SOX13: variants seen among roughly 807,000 people sequenced by gnomAD.
SOX13 encodes SRY-box transcription factor 13, also known as transcription factor SOX-13.
SOX13 carries 28 observed loss-of-function variants against 71.8 expected under a neutral mutation model. The ratio of observed to expected loss-of-function variants is 0.39; its 90% CI spans 0.29 to 0.53. The LOEUF is 0.53. SOX13 is among the 20% of genes least tolerant of loss of function. SOX13 has a pLI of 0.70. For missense variants in SOX13, 627 were observed against 810.3 expected (o/e 0.77, Z 2.75); for synonymous variants, 309 against 317.8 (o/e 0.97, Z 0.29).
intron 3 of SOX13, 22 bp from the exon 4 acceptor site, chr1:204,114,497 T>C: frequency 1.2e-6 from 2 of 1,610,700 alleles, no homozygotes; most frequent in Non-Finnish European, 1.7e-6. Flanking sequence ...CGGTTATTCC[T>C]CACCCCTTTG....
At chr1:204,115,492 T>TTTTTA (rs1491309003) in intron 4 of SOX13, among the ~76,000 whole-genome samples, 1 of 49,928 alleles carries the variant, frequency 2.0e-5, no homozygotes, top group African/African-American at 7.2e-5. Flanking sequence ...TTTTTTTTTT[T>TTTTTA]AAAAAAAAAA....
chr1:204,112,530 T>TACACACAC (rs1656601911), intron 1 of SOX13, among the ~76,000 whole-genome samples: 1 of 64,240 alleles, frequency 1.6e-5, no homozygotes, highest in Non-Finnish European at 4.0e-5. Context: ...CACACACACT[T>TACACACAC]TCTCTCTCTC....
intron 1 of SOX13, among the ~76,000 whole-genome samples, chr1:204,075,630 CATT>C (rs1655772083): frequency 2.0e-5 from 3 of 152,252 alleles, no homozygotes; most frequent in South Asian, 4.1e-4. Context: ...ACCTCTGGAT[CATT>C]AAGGGCCAAA....
chr1:204,116,138 C>T, intron 4 of SOX13: 2 of 1,218,718 alleles, frequency 1.6e-6, no homozygotes, highest in Admixed American at 6.7e-5. Flanking sequence ...GCTTCAAAGC[C>T]TGAGTGTGTC....
chr1:204,110,204 G>A (rs763956487), intron 1 of SOX13, among the ~76,000 whole-genome samples: 6 of 150,950 alleles, frequency 4.0e-5, no homozygotes, highest in Non-Finnish European at 8.9e-5. Flanking sequence ...CTTAATCTTG[G>A]CAGCTTCAAA....
intron 12 of SOX13, among the ~76,000 whole-genome samples, chr1:204,124,083 C>G (rs551254016): frequency 6.6e-6 from 1 of 152,332 alleles, no homozygotes; most frequent in South Asian, 2.1e-4. Flanking sequence ...ACCTGTTCCA[C>G]TGTTTGTCCA....
At position 204,123,254 on chromosome 1, in the gene SOX13, G is replaced by A. The variant is rs1251200808; in HGVS notation, c.1231+46G>A. On this transcript the variant is annotated intron_variant, in intron 11 of 13. Transcript: ENST00000367204. The surrounding 1 kb of genome is among the most constrained non-coding windows in gnomAD (Gnocchi z 5.0). ...CTGATGCGCAGGAGGGCCCAACTCT[G>A]TATTCCACCAGGGCCAGGGCTGTGT... The A allele has an allele frequency of 1.4e-6, 2 of 1,467,578 alleles. No individual in the cohort carries two copies. Among genetic ancestry groups the A allele is most frequent in the South Asian group, 1.1e-5 (1 of 88,196 alleles). 90.9% of individuals were successfully genotyped at this position (1,467,578 alleles called of 1,614,324 possible).
At position 204,123,591 on chromosome 1, in the gene SOX13, C is replaced by T; in HGVS notation, c.1232-70C>T. The T allele has an allele frequency of 1.3e-6, 2 of 1,538,904 alleles. No individual in the cohort carries two copies. The highest frequency in any genetic ancestry group is 1.2e-5 in the South Asian group (1 of 85,394). On this transcript the variant is annotated intron_variant, in intron 11 of 13. Coordinates refer to ENST00000367204, the MANE Select transcript of SOX13 (RefSeq NM_005686.3). The surrounding 1 kb of genome is among the most constrained non-coding windows in gnomAD (Gnocchi z 5.0). ...CCTGCTGGTCAAGTAGGGGACGTCT[C>T]TCTGCTGGCCCTGGGGCACTCTCCT...
chr1:204,122,512 T>C lies in SOX13; in HGVS notation c.1024+113T>C, dbSNP rs56008905. ...TCCCTGGGTTCCAGATTTTATCAAA[T>C]GAGGGGTTAGACTTGCTCTTAGCAG... On this transcript the variant is annotated intron_variant, in intron 9 of 13. Transcript: ENST00000367204. 8,650 of 833,378 alleles carry C rather than the reference T, an allele frequency of 0.01. 390 individuals are homozygous for C. In the African/African-American group the frequency reaches 0.11, roughly 11 times the overall value. 51.6% of individuals were successfully genotyped at this position (833,378 alleles called of 1,614,324 possible).
intron 1 of SOX13, among the ~76,000 whole-genome samples, chr1:204,087,976 T>C (rs1656059410): frequency 6.6e-6 from 1 of 152,348 alleles, no homozygotes; most frequent in Non-Finnish European, 1.5e-5. Flanking sequence ...GCGGTATGTC[T>C]GACTCTGTTC....
Position 204,126,429 on chromosome 1 carries a change from G to A in SOX13, c.*295G>A. On this transcript the variant is annotated 3_prime_UTR_variant, in exon 14 of 14. Transcript: ENST00000367204. ...ACTGTATGACTCTCCTCTCCTGCAG[G>A]TGTCTATCCACCTGGGGTATGGCAT... The A allele has an allele frequency of 2.3e-6, 1 of 428,670 alleles. No individual in the cohort carries two copies. Among genetic ancestry groups the A allele is most frequent in the Non-Finnish European group, 4.2e-6 (1 of 235,726 alleles). 26.6% of individuals were successfully genotyped at this position (428,670 alleles called of 1,614,324 possible).
At position 204,113,055 on chromosome 1, in the gene SOX13, A is replaced by G; in HGVS notation, c.140A>G (p.Gln47Arg). The change falls in exon 2 of 14, where the codon CAG becomes CGG. Residue 47 changes from glutamine (Q) to arginine (R), a missense_variant. By Grantham distance (43) the Gln-to-Arg change is conservative. This residue lies in a region of SOX13 where 447 missense variants were observed against 532.2 expected (regional missense o/e 0.84). Transcript: ENST00000367204. ...PQGSATAAEP[Q>R]PGDPARASQD... ...GGCTCAGCCACTGCCGCTGAACCTC[A>G]GCCTGGAGACCCAGCCCGGGCCTCC... 8.1e-6 allele frequency: 13 copies of G among 1,609,358 alleles called. No homozygotes were observed. The highest frequency in any genetic ancestry group is 1.0e-5 in the Non-Finnish European group (12 of 1,178,242).
chr1:204,095,352 T>A (rs925120829), intron 1 of SOX13, among the ~76,000 whole-genome samples: 2 of 152,170 alleles, frequency 1.3e-5, no homozygotes, highest in Non-Finnish European at 2.9e-5. Flanking sequence ...AAATACACCT[T>A]GTCTCTGGGT....
Position 204,081,060 on chromosome 1 carries a change from C to T in SOX13, c.-2+7349C>T, listed in dbSNP as rs759500530. Among the ~76,000 whole-genome samples the T allele has an allele frequency of 1.4e-4, 22 of 151,854 alleles. No individual in the cohort carries two copies. The highest frequency in any genetic ancestry group is 2.6e-4 in the Non-Finnish European group (18 of 67,972). On this transcript the variant is annotated intron_variant, in intron 1 of 13. Transcript: ENST00000367204. The surrounding 1 kb of genome is among the most constrained non-coding windows in gnomAD (Gnocchi z 4.3). ...CTGAGTAGCTGGGATTACAGGCATG[C>T]GCGACCATGCCTGGCTAATTTTTTG...
intron 1 of SOX13, among the ~76,000 whole-genome samples, chr1:204,104,686 G>A (rs1277334282): frequency 6.6e-6 from 1 of 152,250 alleles, no homozygotes; most frequent in Non-Finnish European, 1.5e-5. Flanking sequence ...CAGCAGTGGA[G>A]GGGGATTAGT....
At chr1:204,120,119 A>G (rs945896840) in intron 7 of SOX13, among the ~76,000 whole-genome samples, 3 of 152,262 alleles carry the variant, frequency 2.0e-5, no homozygotes, top group African/African-American at 7.2e-5. Context: ...GAACTGAGGC[A>G]TGAATTTCTG....
Position 204,081,123 on chromosome 1 carries a change from G to C in SOX13, c.-2+7412G>C, listed in dbSNP as rs1400916382. On this transcript the variant is annotated intron_variant, in intron 1 of 13. Transcript: ENST00000367204. The surrounding 1 kb of genome is among the most constrained non-coding windows in gnomAD (Gnocchi z 4.3). ...AGACGGGATTTCTCCATGTTGGTTA[G>C]GCTGGTCTCGAACTCCCGACCTCAG... Among the ~76,000 whole-genome samples, 1 of 151,992 alleles carries C rather than the reference G, an allele frequency of 6.6e-6. No homozygotes were observed. Among genetic ancestry groups the C allele is most frequent in the African/African-American group, 2.4e-5 (1 of 41,384 alleles).
intron 7 of SOX13, among the ~76,000 whole-genome samples, chr1:204,120,193 C>T (rs1277691325): frequency 6.6e-6 from 1 of 152,014 alleles, no homozygotes; most frequent in Non-Finnish European, 1.5e-5. Context: ...TAAGACAGGC[C>T]CAATGTGGAA....
intron 4 of SOX13, chr1:204,116,142 G>C (rs750836554): frequency 2.2e-5 from 27 of 1,223,030 alleles, no homozygotes; most frequent in Non-Finnish European, 2.8e-5. Context: ...CAAAGCCTGA[G>C]TGTGTCCCAC....
Sources: gnomAD v4.1 joint callset for allele counts (sites outside exome capture counted in the v4.1 genomes callset) on GRCh38, gnomAD v4.1.1 for gene constraint, gnomAD v4.1.1 regional missense constraint, Gnocchi (gnomAD v3.1) non-coding constraint, MANE v1.5 for transcripts, NCBI Gene and HGNC (gene_info 2026-07-23, HGNC 2026-07-21) for gene names.